The following TMTC1 variants were observed in gnomAD, a reference collection of about 807,000 sequenced individuals.
TMTC1 encodes protein O-mannosyl-transferase TMTC1.
In TMTC1, 73 loss-of-function variants were observed where a neutral mutation model predicts 104.8. That is an observed-to-expected ratio of 0.70 (90% confidence interval 0.58 to 0.85). The LOEUF is 0.85. Among genes scored for constraint, TMTC1 ranks in the 40% least tolerant of loss-of-function variants. The pLI is 0.00. For synonymous variants in TMTC1, 434 were observed against 428.7 expected (o/e 1.01, Z -0.15); for missense variants, 1,035 against 1,096.1 (o/e 0.94, Z 0.79).
intron 5 of TMTC1, among the ~76,000 whole-genome samples, chr12:29,677,332 G>C (rs1940764616): frequency 6.6e-6 from 1 of 152,034 alleles, no homozygotes; most frequent in South Asian, 2.1e-4. Flanking sequence ...CAGGACCAAT[G>C]GGCCTACTCA....
chr12:29,726,122 C>G (rs1565796350), intron 5 of TMTC1, among the ~76,000 whole-genome samples: 1 of 152,150 alleles, frequency 6.6e-6, no homozygotes, highest in African/African-American at 2.4e-5. Flanking sequence ...TAGCATTGCT[C>G]TGGGAAAAAA....
At position 29,563,825 on chromosome 12, in the gene TMTC1, C is replaced by T. The variant is rs187967013; in HGVS notation, c.1533-6825G>A. ...AGAAAGCTGTCCTTGCCCTCAAGAGCGCCCTGTGGTAGAAGAGAAACAGGA... is the reference window on the plus strand; with the variant it reads ...AGAAAGCTGTCCTTGCCCTCAAGAGTGCCCTGTGGTAGAAGAGAAACAGGA... On this transcript the variant is annotated intron_variant, in intron 9 of 17. Coordinates refer to ENST00000539277, the MANE Select transcript of TMTC1 (RefSeq NM_001193451.2). 9.2e-5 allele frequency among the ~76,000 whole-genome samples: 14 copies of T among 152,244 alleles called. No homozygotes were observed. In the East Asian group the frequency reaches 1.9e-3, roughly 21 times the overall value.
intron 5 of TMTC1, among the ~76,000 whole-genome samples, chr12:29,730,781 A>G (rs562531564): frequency 6.6e-6 from 1 of 152,326 alleles, no homozygotes; most frequent in East Asian, 1.9e-4. Flanking sequence ...CTCTCAACAT[A>G]GTACTAATTC....
intron 11 of TMTC1, among the ~76,000 whole-genome samples, chr12:29,528,147 A>G (rs1158383480): frequency 6.6e-6 from 1 of 152,198 alleles, no homozygotes; most frequent in Admixed American, 6.6e-5. Context: ...CTTAAATAAC[A>G]CTATTATTTA....
intron 6 of TMTC1, among the ~76,000 whole-genome samples, chr12:29,612,542 G>A (rs529725268): frequency 2.0e-5 from 3 of 152,244 alleles, no homozygotes; most frequent in South Asian, 4.1e-4. Context: ...AGCCACCTGA[G>A]TTGGGATTAC....
chr12:29,590,128 T>G (rs906620653), intron 7 of TMTC1, among the ~76,000 whole-genome samples: 1 of 152,048 alleles, frequency 6.6e-6, no homozygotes, highest in African/African-American at 2.4e-5. Context: ...TGTGTAAAAT[T>G]TATTTATAAA....
At chr12:29,610,476 A>G (rs1004657248) in intron 6 of TMTC1, among the ~76,000 whole-genome samples, 1 of 152,242 alleles carries the variant, frequency 6.6e-6, no homozygotes, top group Non-Finnish European at 1.5e-5. Flanking sequence ...TGCTATGACA[A>G]TGATTAAATG....
intron 5 of TMTC1, among the ~76,000 whole-genome samples, chr12:29,737,151 C>T (rs1376364723): frequency 6.6e-6 from 1 of 152,250 alleles, no homozygotes; most frequent in Non-Finnish European, 1.5e-5. Context: ...GTGCTCTGAA[C>T]AGAGACATCC....
intron 10 of TMTC1, among the ~76,000 whole-genome samples, chr12:29,539,676 C>T (rs1309599573): frequency 6.6e-6 from 1 of 152,220 alleles, no homozygotes. Context: ...TTACAAATCA[C>T]TGCGTGTGCT....
At chr12:29,743,254 G>A (rs1284638969) in intron 5 of TMTC1, among the ~76,000 whole-genome samples, 1 of 152,176 alleles carries the variant, frequency 6.6e-6, no homozygotes, top group Non-Finnish European at 1.5e-5. Flanking sequence ...CACTCTGGCA[G>A]GAGTCCATGT....
At chr12:29,784,536 G>C (rs1304140145), upstream of TMTC1, 1 of 152,218 alleles carries the variant, frequency 6.6e-6, no homozygotes, top group Non-Finnish European at 1.5e-5. Flanking sequence ...CCAGGAGAAG[G>C]GGTCTCCCTG....
At chr12:29,529,437 T>C (rs897958000) in intron 11 of TMTC1, among the ~76,000 whole-genome samples, 1 of 152,232 alleles carries the variant, frequency 6.6e-6, no homozygotes, top group Admixed American at 6.5e-5. Context: ...TAATCAATAA[T>C]TTAAAGCCAC....
At chr12:29,752,294 T>G (rs1379287568) in intron 4 of TMTC1, among the ~76,000 whole-genome samples, 3 of 152,232 alleles carry the variant, frequency 2.0e-5, no homozygotes, top group Admixed American at 6.5e-5. Context: ...CATTTTTTTC[T>G]GTTATGAATT....
intron 5 of TMTC1, chr12:29,660,095 T>C: frequency 1.3e-6 from 1 of 793,916 alleles, no homozygotes; most frequent in East Asian, 2.7e-5. Flanking sequence ...TTCCCTTAAA[T>C]CTGAGTTAGT....
chr12:29,591,722 CTT>C (rs1946285509), intron 7 of TMTC1, among the ~76,000 whole-genome samples: 1 of 152,186 alleles, frequency 6.6e-6, no homozygotes, highest in Non-Finnish European at 1.5e-5. Context: ...TGGCATTTCT[CTT>C]TCTGCTTTTA....
In TMTC1 at chr12:29,505,985, A is replaced by G. The variant is rs1282519670; in HGVS notation, c.*861T>C. On this transcript the variant is annotated 3_prime_UTR_variant, in exon 18 of 18. Transcript: ENST00000539277. ...GATAATAAAGTAGGACATTTCTCTT[A>G]GTTAATATCTTTAATTTTTTATGTA... is the stretch of plus-strand genomic sequence containing the variant. 1 of 152,182 alleles carries G rather than the reference A, an allele frequency of 6.6e-6. No individual in the cohort carries two copies. Among genetic ancestry groups the G allele is most frequent in the Non-Finnish European group, 1.5e-5 (1 of 68,014 alleles). 9.4% of individuals were successfully genotyped at this position (152,182 alleles called of 1,614,324 possible). A position where few individuals can be genotyped will look rare whatever the true frequency, so the allele number is the denominator to read the frequency against.
At chr12:29,724,298 G>A (rs1028759750) in intron 5 of TMTC1, among the ~76,000 whole-genome samples, 3 of 152,196 alleles carry the variant, frequency 2.0e-5, no homozygotes, top group African/African-American at 7.2e-5. Context: ...ACTCTGCTGA[G>A]TGTGGTATAT....
Position 29,502,153 on chromosome 12 carries a change from T to C in TMTC1, c.*4693A>G, listed in dbSNP as rs1592136566. On this transcript the variant is annotated 3_prime_UTR_variant, in exon 18 of 18. Transcript: ENST00000539277. Reference sequence around the variant, plus strand: ...TAAATGTCAAAAGATACCATTTAAATAGCTAAGTTAACCTATATTTGGGAG... The same window carrying C: ...TAAATGTCAAAAGATACCATTTAAACAGCTAAGTTAACCTATATTTGGGAG... The C allele has an allele frequency of 1.3e-5, 2 of 152,262 alleles. No individual in the cohort carries two copies. Among genetic ancestry groups the C allele is most frequent in the Middle Eastern group, 3.4e-3 (1 of 294 alleles). 9.4% of individuals were successfully genotyped at this position (152,262 alleles called of 1,614,324 possible). A position where few individuals can be genotyped will look rare whatever the true frequency, so the allele number is the denominator to read the frequency against.
intron 5 of TMTC1, among the ~76,000 whole-genome samples, chr12:29,734,730 G>A (rs1663850454): frequency 6.6e-6 from 1 of 152,124 alleles, no homozygotes; most frequent in Non-Finnish European, 1.5e-5. Context: ...TTTAATTTCA[G>A]TAGTTGGTTA....
Sources: gnomAD v4.1 joint callset for allele counts (sites outside exome capture counted in the v4.1 genomes callset) on GRCh38, gnomAD v4.1.1 for gene constraint, MANE v1.5 for transcripts, NCBI Gene and HGNC (gene_info 2026-07-23, HGNC 2026-07-21) for gene names.